CCDC40: variants seen among roughly 807,000 people sequenced by gnomAD.
CCDC40 encodes the protein coiled-coil domain-containing protein 40.
In CCDC40, 104 loss-of-function variants were observed where a neutral mutation model predicts 124.5. The observed-to-expected ratio is 0.84, with a 90% CI of 0.71 to 0.98. The LOEUF (loss-of-function observed/expected upper bound fraction) is 0.98. Ranked by LOEUF, CCDC40 falls within the 50% of genes least tolerant of loss-of-function variation. The pLI, the probability that CCDC40 is intolerant of heterozygous loss-of-function variation, is 0.00. For missense variants in CCDC40, 1,463 were observed against 1,503.9 expected, an observed-to-expected ratio of 0.97 and a Z score of 0.45; for synonymous variants, 580 against 602.9, an observed-to-expected ratio of 0.96 and a Z score of 0.56.
Position 80,086,120 on chromosome 17 carries a change from G to T in CCDC40, c.2353G>T (p.Val785Phe). The T allele has an allele frequency of 6.2e-7, 1 of 1,614,154 alleles. No individual in the cohort carries two copies. Among genetic ancestry groups the T allele is most frequent in the Middle Eastern group, 1.7e-4 (1 of 6,052 alleles). The stretch of plus-strand genomic sequence containing the variant: ...CTGGCTGCGCCTGCAGCAGGAGATG[G>T]TCAAGGTGACACAGGAGCAGGAGGA... ...VTWLRLQQEMVKVTQEQEEQL... is the reference protein window; with the variant it reads ...VTWLRLQQEMFKVTQEQEEQL... Residue 785 changes from valine (V) to phenylalanine (F), a missense_variant, in exon 14 of 20, where the codon GTC becomes TTC. By Grantham distance (50) the Val-to-Phe change is conservative. Transcript: ENST00000397545. This position sits in a 1 kb window ranked among gnomAD's most constrained non-coding sequence, Gnocchi z 5.5.
chr17:80,036,735 G>A (rs1266383351), intron 1 of CCDC40, 44 bp downstream of exon 1: 3 of 1,457,262 alleles, frequency 2.1e-6, no homozygotes, highest in African/African-American at 2.9e-5. Flanking sequence ...TCGCCAGGCC[G>A]CGCTCTCCGT....
Position 80,087,312 on chromosome 17 carries a change from C to G in CCDC40, c.2450-295C>G. 1 of 478,942 alleles carries G rather than the reference C, an allele frequency of 2.1e-6. No individual in the cohort carries two copies. The highest frequency in any genetic ancestry group is 3.8e-6 in the Non-Finnish European group (1 of 260,470). 29.7% of individuals were successfully genotyped at this position (478,942 alleles called of 1,614,324 possible). A position where few individuals can be genotyped will look rare whatever the true frequency, so the allele number is the denominator to read the frequency against. On this transcript the variant is annotated intron_variant, in intron 14 of 19. Transcript: ENST00000397545. This position sits in a 1 kb window ranked among gnomAD's most constrained non-coding sequence, Gnocchi z 4.5. ...AGTGTCTGGGGGAGGGAGCCTGGCC[C>G]TCCCACACGCCCTGCCCACACCTGC...
At chr17:80,056,385 T>G (rs1356460615) in intron 7 of CCDC40, among the ~76,000 whole-genome samples, 4 of 151,704 alleles carry the variant, frequency 2.6e-5, no homozygotes, top group African/African-American at 9.7e-5. Flanking sequence ...TTTGGGAGGC[T>G]GAGGCTGGCA....
At chr17:80,067,648 G>A (rs1426547725) in intron 10 of CCDC40, 1 of 1,536,154 alleles carries the variant, frequency 6.5e-7, no homozygotes. Context: ...TGTTATGGCG[G>A]TGCTGCTGTA....
rs756325484 is a variant in CCDC40 at position 80,048,710 on chromosome 17, C to T, written c.804C>T (p.Asp268=). ...AGAGAGTGGAGTCCGAGGGGAGTGA[C>T]GAGGAAGCAGAAGACGAAGGGTCCC... ...MAERVESEGS[D]EEAEDEGSQL... Residue 268 remains aspartate, a synonymous_variant, in exon 5 of 20, where the codon GAC becomes GAT. Transcript: ENST00000397545. 24 of 1,613,878 alleles carry T rather than the reference C, an allele frequency of 1.5e-5. 1 individual carries two copies. In the South Asian group the frequency reaches 1.9e-4, roughly 13 times the overall value.
chr17:80,037,116 G>A (rs1448467632), intron 1 of CCDC40, among the ~76,000 whole-genome samples: 1 of 152,154 alleles, frequency 6.6e-6, no homozygotes, highest in Non-Finnish European at 1.5e-5. Flanking sequence ...ACTCGCTGTG[G>A]CCGGAGACCA....
chr17:80,057,592 C>T (rs1412513754), intron 7 of CCDC40, among the ~76,000 whole-genome samples: 1 of 151,976 alleles, frequency 6.6e-6, no homozygotes, highest in East Asian at 2.0e-4. Flanking sequence ...AAATCCATCT[C>T]ATGGCCGGGC....
At chr17:80,056,016 A>ATATATATATATTTTTT (rs71163913) in intron 7 of CCDC40, among the ~76,000 whole-genome samples, 2 of 10,252 alleles carry the variant, frequency 2.0e-4, no homozygotes, top group Admixed American at 3.0e-3. Context: ...ATATATATAT[A>ATATATATATATTTTTT]TTTTTTTTTT....
At chr17:80,089,949 G>A (rs2038667811) in intron 17 of CCDC40, 65 bp downstream of exon 17, 7 of 1,598,488 alleles carry the variant, frequency 4.4e-6, no homozygotes. Flanking sequence ...TGGAGACCTG[G>A]CCACACCAAG....
chr17:80,072,027 C>G (rs563954226), intron 10 of CCDC40, among the ~76,000 whole-genome samples: 1 of 151,836 alleles, frequency 6.6e-6, no homozygotes, highest in African/African-American at 2.4e-5. Flanking sequence ...TTAAAAGAGA[C>G]GGGGTTTCAC....
At position 80,053,692 on chromosome 17, in the gene CCDC40, A is replaced by G. The variant is rs1289970359; in HGVS notation, c.1159+3409A>G. Among the ~76,000 whole-genome samples the G allele has an allele frequency of 1.1e-4, 17 of 152,162 alleles. 1 individual carries two copies. Among genetic ancestry groups the G allele is most frequent in the Admixed American group, 1.1e-3 (17 of 15,254 alleles). On this transcript the variant is annotated intron_variant, in intron 7 of 19. Transcript: ENST00000397545. ...ACTGCAACCTCCACCTCCCGGGTTCAAGCGATTCTCCTGCTTCAGCCTCCC... is the reference window on the plus strand; with the variant it reads ...ACTGCAACCTCCACCTCCCGGGTTCGAGCGATTCTCCTGCTTCAGCCTCCC...
Position 80,088,073 on chromosome 17 carries a change from G to C in CCDC40, c.2682G>C (p.Ala894=). The change falls in exon 16 of 20, where the codon GCG becomes GCC. Residue 894 remains alanine (A), a synonymous_variant. Transcript: ENST00000397545. ...DKLNQLSEEK[A]TLLNQLVEAE... is the part of the protein sequence containing the mutation. ...TGAACCAGCTCAGCGAGGAGAAGGC[G>C]ACCCTCCTGAATCAACTGGTGGAAG... The C allele has an allele frequency of 1.2e-6, 2 of 1,613,666 alleles. No individual in the cohort carries two copies. The highest frequency in any genetic ancestry group is 2.2e-5 in the South Asian group (2 of 91,054).
chr17:80,098,777 A>G (rs2143785668), intron 19 of CCDC40: 1 of 152,240 alleles, frequency 6.6e-6, no homozygotes, highest in South Asian at 2.1e-4. Flanking sequence ...CATCTCAACT[A>G]AAAATACAAA....
intron 7 of CCDC40, among the ~76,000 whole-genome samples, chr17:80,050,941 C>T (rs752076187): frequency 4.6e-5 from 7 of 152,162 alleles, no homozygotes; most frequent in African/African-American, 7.2e-5. Context: ...GCCGGCACGA[C>T]GGTCAGACCA....
intron 3 of CCDC40, among the ~76,000 whole-genome samples, chr17:80,043,093 C>T (rs67154249): frequency 0.23 from 35,079 of 152,090 alleles, 4,188 homozygotes; most frequent in African/African-American, 0.26. Flanking sequence ...CTTACATCTG[C>T]ATAGACTCAG....
At chr17:80,044,869 T>C (rs1303212395) in intron 3 of CCDC40, among the ~76,000 whole-genome samples, 1 of 152,004 alleles carries the variant, frequency 6.6e-6, no homozygotes, top group Non-Finnish European at 1.5e-5. Context: ...TTTTCAAATA[T>C]GATTGAAGAA....
At chr17:80,072,170 AC>A (rs2038208003) in intron 10 of CCDC40, among the ~76,000 whole-genome samples, 1 of 152,040 alleles carries the variant, frequency 6.6e-6, no homozygotes. Flanking sequence ...TTTTCAACTT[AC>A]GATGGGTTTG....
intron 10 of CCDC40, among the ~76,000 whole-genome samples, chr17:80,068,650 TGGA>T (rs199710984): frequency 0.015 from 2,239 of 152,154 alleles, 54 homozygotes; most frequent in African/African-American, 0.052. Context: ...TGGGCATTTC[TGGA>T]GCCTTCACCC....
In CCDC40 at chr17:80,051,647, A is replaced by G. The variant is rs1184414873; in HGVS notation, c.1159+1364A>G. Among the ~76,000 whole-genome samples, 9 of 147,722 alleles carry G rather than the reference A, an allele frequency of 6.1e-5. No homozygotes were observed. In the East Asian group the frequency reaches 7.8e-4, roughly 13 times the overall value. Reference sequence around the variant, plus strand: ...CCGTCTCAAAAAAAAAAAAAAAAAAAAAAAAAAGAAAAAAGAACCTCTCTC... The same window carrying G: ...CCGTCTCAAAAAAAAAAAAAAAAAAGAAAAAAAGAAAAAAGAACCTCTCTC... On this transcript the variant is annotated intron_variant, in intron 7 of 19. Coordinates refer to ENST00000397545, the MANE Select transcript of CCDC40 (RefSeq NM_017950.4).
Sources: allele counts gnomAD v4.1 joint callset (sites outside exome capture counted in the v4.1 genomes callset), GRCh38; gene constraint gnomAD v4.1.1; non-coding constraint Gnocchi (gnomAD v3.1); transcripts MANE v1.5; gene names NCBI Gene and HGNC (gene_info 2026-07-23, HGNC 2026-07-21).